The following ERI1 variants were observed in gnomAD, a reference collection of about 807,000 sequenced individuals.
The protein encoded by ERI1 is exoribonuclease 1.
ERI1 carries 39 observed loss-of-function variants against 39.7 expected under a neutral mutation model. That is an observed-to-expected ratio of 0.98 (90% confidence interval 0.76 to 1.28). The LOEUF is 1.28. Among genes scored for constraint, ERI1 ranks in the 50% most tolerant of loss-of-function variants. The probability of loss-of-function intolerance (pLI) is 0.00; values close to 1 mark genes in which losing one functional copy is unlikely to be tolerated. For synonymous variants in ERI1, 204 were observed against 149.6 expected (o/e 1.36, Z -2.65); for missense variants, 581 against 416.9 (o/e 1.39, Z -3.43).
At chr8:9,069,965 G>A (rs1002265323) in intron 3 of ERI1, among the ~76,000 whole-genome samples, 8 of 152,096 alleles carry the variant, frequency 5.3e-5, no homozygotes, top group Non-Finnish European at 1.2e-4. Flanking sequence ...TGGCTGGGTG[G>A]AGGTGGCTCA....
chr8:9,054,353 A>G (rs1311382047), intron 3 of ERI1, among the ~76,000 whole-genome samples: 2 of 152,162 alleles, frequency 1.3e-5, no homozygotes, highest in Non-Finnish European at 2.9e-5. Flanking sequence ...CTTTTCTACA[A>G]ATACATTTCT....
intron 3 of ERI1, among the ~76,000 whole-genome samples, chr8:9,066,397 A>G (rs1798880286): frequency 6.6e-6 from 1 of 152,208 alleles, no homozygotes; most frequent in South Asian, 2.1e-4. Context: ...GAAGAAAGCA[A>G]GAGTTTGAGG....
In ERI1 at chr8:9,046,904, C is replaced by G. The variant is rs540706511; in HGVS notation, n.299+26440C>G. Among the ~76,000 whole-genome samples, 326 of 152,336 alleles carry G rather than the reference C, an allele frequency of 2.1e-3. 2 individuals are homozygous for G. Among genetic ancestry groups the G allele is most frequent in the African/African-American group, 6.5e-3 (269 of 41,586 alleles). On this transcript the variant is annotated intron_variant and non_coding_transcript_variant, in intron 3 of 3. Transcript: ENST00000518663. ...AGCTCCAGGCAGAGCCAATTTCACA[C>G]ACGCTGATTGCAGCCTGTACCTTCT... is the stretch of plus-strand genomic sequence containing the variant.
intron 3 of ERI1, among the ~76,000 whole-genome samples, chr8:9,095,566 C>G (rs543984496): frequency 7.9e-5 from 12 of 152,044 alleles, no homozygotes; most frequent in African/African-American, 2.7e-4. Context: ...AGTGCAGTAG[C>G]CTGATAATGG....
chr8:9,033,570 G>A (rs1276119578), downstream of ERI1, among the ~76,000 whole-genome samples: 4 of 33,628 alleles, frequency 1.2e-4, no homozygotes, highest in Non-Finnish European at 1.9e-4. Flanking sequence ...TGAATGTTAA[G>A]GTACAATGAT....
chr8:9,057,077 C>G (rs1442934469), intron 3 of ERI1, among the ~76,000 whole-genome samples: 3 of 152,184 alleles, frequency 2.0e-5, no homozygotes, highest in African/African-American at 7.2e-5. Context: ...AAGTGATCTG[C>G]CTGCCTCGGC....
chr8:9,099,032 A>C (rs1352670164), intron 3 of ERI1, among the ~76,000 whole-genome samples: 3 of 152,016 alleles, frequency 2.0e-5, no homozygotes, highest in Non-Finnish European at 4.4e-5. Context: ...ACAGGGTTTC[A>C]CCATTTTGGC....
intron 3 of ERI1, among the ~76,000 whole-genome samples, chr8:9,073,313 G>T (rs1462424958): frequency 6.6e-6 from 1 of 152,192 alleles, no homozygotes; most frequent in Non-Finnish European, 1.5e-5. Flanking sequence ...TATTGAAGAG[G>T]AGACTTCTTT....
intron 2 of ERI1, among the ~76,000 whole-genome samples, chr8:9,010,008 T>G (rs1488752489): frequency 1.3e-5 from 2 of 152,204 alleles, no homozygotes; most frequent in Admixed American, 6.5e-5. Context: ...AAAATTGGTG[T>G]TAGTGCTCAG....
chr8:9,090,672 A>G (rs949350323), intron 3 of ERI1, among the ~76,000 whole-genome samples: 2 of 152,230 alleles, frequency 1.3e-5, no homozygotes, highest in Non-Finnish European at 2.9e-5. Flanking sequence ...TCCTCTATAG[A>G]TAAAACTATG....
chr8:9,004,295 C>T, intron 1 of ERI1: 2 of 1,137,638 alleles, frequency 1.8e-6, no homozygotes, highest in Middle Eastern at 2.6e-4. Flanking sequence ...CAATCTCATC[C>T]TGTAAGTGGG....
intron 3 of ERI1, among the ~76,000 whole-genome samples, chr8:9,057,466 A>G (rs1211307093): frequency 6.6e-6 from 1 of 152,210 alleles, no homozygotes; most frequent in Admixed American, 6.5e-5. Flanking sequence ...TCACAGACCC[A>G]ATCACTTTTG....
At chr8:9,040,660 C>T (rs959759420) in intron 3 of ERI1, among the ~76,000 whole-genome samples, 3 of 151,510 alleles carry the variant, frequency 2.0e-5, no homozygotes, top group Non-Finnish European at 4.4e-5. Context: ...GACCTCTGGT[C>T]CAGTGTTGAA....
At chr8:9,043,879 TTAATTC>T (rs1441898036) in intron 3 of ERI1, among the ~76,000 whole-genome samples, 11 of 152,206 alleles carry the variant, frequency 7.2e-5, no homozygotes. Context: ...TACTGAATAT[TTAATTC>T]TAATTGAGAA....
chr8:9,081,041 A>G (rs970308950), intron 3 of ERI1, among the ~76,000 whole-genome samples: 3 of 152,240 alleles, frequency 2.0e-5, no homozygotes, highest in Admixed American at 2.0e-4. Context: ...AGGAAACTTA[A>G]CAATCATGGT....
At chr8:9,028,891 T>A (rs1405697133) in intron 6 of ERI1, among the ~76,000 whole-genome samples, 1 of 151,754 alleles carries the variant, frequency 6.6e-6, no homozygotes, top group Admixed American at 6.6e-5. Context: ...CCCAAAGTGC[T>A]GGGATTACAG....
In ERI1 at chr8:9,059,073, G is replaced by A. The variant is rs181275431; in HGVS notation, n.299+38609G>A. Among the ~76,000 whole-genome samples, 585 of 152,138 alleles carry A rather than the reference G, an allele frequency of 3.8e-3. 4 individuals carry two copies. The highest frequency in any genetic ancestry group is 0.013 in the African/African-American group (558 of 41,522). ...GATTTGGGTAGGTAAAGGAAAAAGC[G>A]GGGTTGTTCTCTGGCGGGCAGGAGT... On this transcript the variant is annotated intron_variant and non_coding_transcript_variant, in intron 3 of 3. Coordinates refer to the ERI1 transcript ENST00000518663.
intron 2 of ERI1, among the ~76,000 whole-genome samples, chr8:9,009,615 C>G (rs879909120): frequency 9.2e-5 from 14 of 151,844 alleles, no homozygotes; most frequent in Non-Finnish European, 1.3e-4. Flanking sequence ...TCTCGGCTCA[C>G]TGCAACCTCC....
At chr8:9,027,460 G>A (rs943022344) in intron 6 of ERI1, among the ~76,000 whole-genome samples, 6 of 151,922 alleles carry the variant, frequency 3.9e-5, no homozygotes, top group African/African-American at 1.5e-4. Context: ...TACTGATAAC[G>A]TCTTTAGTAA....
Sources: allele counts gnomAD v4.1 joint callset (sites outside exome capture counted in the v4.1 genomes callset), GRCh38; gene constraint gnomAD v4.1.1; transcripts MANE v1.5; gene names NCBI Gene and HGNC (gene_info 2026-07-23, HGNC 2026-07-21).